SGIP1: variants seen among roughly 807,000 people sequenced by gnomAD.
The protein encoded by SGIP1 is SH3GL interacting endocytic adaptor 1.
In SGIP1, 38 loss-of-function variants were observed where a neutral mutation model predicts 107.5. The observed-to-expected ratio is 0.35, with a 90% CI of 0.27 to 0.46. SGIP1 has a LOEUF of 0.46. Among genes scored for constraint, SGIP1 ranks in the 20% least tolerant of loss-of-function variants. The pLI is 1.00. For missense variants in SGIP1, 929 were observed against 1,019.5 expected, an observed-to-expected ratio of 0.91 and a Z score of 1.21; for synonymous variants, 365 against 366.1, an observed-to-expected ratio of 1.00 and a Z score of 0.03.
At position 66,744,854 on chromosome 1, in the gene SGIP1, A is replaced by G. The variant is rs933847888; in HGVS notation, c.*1759A>G. The G allele has an allele frequency of 3.9e-5, 6 of 152,486 alleles. No individual in the cohort carries two copies. Among genetic ancestry groups the G allele is most frequent in the African/African-American group, 7.2e-5 (3 of 41,454 alleles). 9.4% of individuals were successfully genotyped at this position (152,486 alleles called of 1,614,324 possible). On this transcript the variant is annotated 3_prime_UTR_variant, in exon 25 of 25. Transcript: ENST00000371037. ...TGTTGAAGTTTCTTTGAACGAACTA[A>G]ATATACTCATTTTATGTAAAGGTAT...
chr1:66,609,449 G>C (rs908863620), intron 1 of SGIP1, among the ~76,000 whole-genome samples: 3 of 152,232 alleles, frequency 2.0e-5, no homozygotes, highest in African/African-American at 7.2e-5. Flanking sequence ...ACTTGTTTAG[G>C]GAATAGAAAG....
Position 66,743,191 on chromosome 1 carries a change from T to G in SGIP1, c.*96T>G. 3 of 1,274,122 alleles carry G rather than the reference T, an allele frequency of 2.4e-6. No homozygotes were observed. The highest frequency in any genetic ancestry group is 2.3e-6 in the Non-Finnish European group (2 of 885,692). 78.9% of individuals were successfully genotyped at this position (1,274,122 alleles called of 1,614,324 possible). ...TTGGTTTGATGAAAACAAACCAATA[T>G]CTGCACTTGGGATATATCAGGTGGA... On this transcript the variant is annotated 3_prime_UTR_variant, in exon 25 of 25. Coordinates refer to ENST00000371037, the MANE Select transcript of SGIP1 (RefSeq NM_032291.4).
intron 1 of SGIP1, among the ~76,000 whole-genome samples, chr1:66,617,367 T>A (rs1246808866): frequency 1.3e-5 from 2 of 152,224 alleles, no homozygotes; most frequent in East Asian, 3.8e-4. Context: ...GTCTTATGTC[T>A]TTCTGTAAGA....
chr1:66,631,375 T>A (rs1029620104), intron 2 of SGIP1, among the ~76,000 whole-genome samples: 13 of 152,226 alleles, frequency 8.5e-5, no homozygotes, highest in African/African-American at 3.1e-4. Context: ...TTTTTCAAAC[T>A]GGTTAATTTC....
intron 4 of SGIP1, among the ~76,000 whole-genome samples, chr1:66,636,377 C>A (rs2075780817): frequency 6.6e-6 from 1 of 152,210 alleles, no homozygotes; most frequent in South Asian, 2.1e-4. Flanking sequence ...TTAGGATAAG[C>A]ACTGTCTCAA....
rs2053046149 is a variant in SGIP1, at chr1:66,534,305, T to C, written c.-54T>C. The C allele has an allele frequency of 1.2e-6, 2 of 1,605,140 alleles. No homozygotes were observed. The highest frequency in any genetic ancestry group is 1.7e-6 in the Non-Finnish European group (2 of 1,172,044). On this transcript the variant is annotated 5_prime_UTR_variant, in exon 1 of 25. Coordinates refer to ENST00000371037, the MANE Select transcript of SGIP1 (RefSeq NM_032291.4). ...GACTTAGCTGGGACCTGGAATCGTA[T>C]CCTCCTGTGTTTTTTCAGACTCCTT...
intron 2 of SGIP1, 132 bp from the exon 3 acceptor site, chr1:66,632,938 T>C (rs1367826473): frequency 4.2e-6 from 3 of 720,546 alleles, no homozygotes; most frequent in African/African-American, 3.6e-5. Flanking sequence ...TAGTTTTCAT[T>C]AGCCAGGTTT....
intron 7 of SGIP1, among the ~76,000 whole-genome samples, chr1:66,652,965 A>G (rs1197723198): frequency 4.6e-5 from 7 of 152,172 alleles, no homozygotes; most frequent in Non-Finnish European, 8.8e-5. Context: ...GGCAAATGTG[A>G]TTTGTATTGG....
chr1:66,666,896 T>G (rs1004025296), intron 8 of SGIP1: 1 of 152,294 alleles, frequency 6.6e-6, no homozygotes, highest in East Asian at 1.9e-4. Context: ...CGACTACGTT[T>G]GTCAGGGGCT....
intron 3 of SGIP1, chr1:66,634,008 C>T (rs561795875): frequency 6.8e-5 from 92 of 1,356,268 alleles, no homozygotes; most frequent in Non-Finnish European, 8.8e-5. Context: ...GTGGTTCTTA[C>T]CATGAAATGT....
At chr1:66,540,887 C>G (rs992456004) in intron 1 of SGIP1, among the ~76,000 whole-genome samples, 1 of 152,152 alleles carries the variant, frequency 6.6e-6, no homozygotes, top group Non-Finnish European at 1.5e-5. Flanking sequence ...TGTGCCATAC[C>G]TCTAGAACTT....
At chr1:66,619,409 G>A (rs1320145189) in intron 1 of SGIP1, among the ~76,000 whole-genome samples, 2 of 152,206 alleles carry the variant, frequency 1.3e-5, no homozygotes, top group Non-Finnish European at 2.9e-5. Context: ...GCCCTCTCCC[G>A]CAGGCTCCGC....
intron 9 of SGIP1, among the ~76,000 whole-genome samples, chr1:66,670,233 T>C (rs529807258): frequency 6.6e-6 from 1 of 152,232 alleles, no homozygotes; most frequent in Non-Finnish European, 1.5e-5. Context: ...TAATCAAAAC[T>C]CTTAATCTAA....
intron 19 of SGIP1, among the ~76,000 whole-genome samples, chr1:66,722,336 C>T (rs2093579331): frequency 6.6e-6 from 1 of 152,196 alleles, no homozygotes; most frequent in Non-Finnish European, 1.5e-5. Context: ...TCAACATTTT[C>T]TTCCTCTTTA....
Position 66,679,765 on chromosome 1 carries a change from T to A in SGIP1, c.814+13T>A. 6.3e-7 allele frequency: 1 copy of A among 1,587,648 alleles called. No homozygotes were observed. The highest frequency in any genetic ancestry group is 1.7e-4 in the Middle Eastern group (1 of 5,990). On this transcript the variant is annotated intron_variant, in intron 14 of 24. Coordinates refer to ENST00000371037, the MANE Select transcript of SGIP1 (RefSeq NM_032291.4). ...ACAATTGGACCAGGTACGCTTTTGT[T>A]TTTTCAGTTCTGGGATGATGTGTCA...
intron 1 of SGIP1, among the ~76,000 whole-genome samples, chr1:66,535,535 T>C (rs2053404924): frequency 6.6e-6 from 1 of 152,276 alleles, no homozygotes; most frequent in Non-Finnish European, 1.5e-5. Flanking sequence ...TTCTTTTTGC[T>C]CTCCCTGTCA....
chr1:66,717,459 T>A (rs2093310809), intron 18 of SGIP1, among the ~76,000 whole-genome samples: 1 of 152,126 alleles, frequency 6.6e-6, no homozygotes, highest in African/African-American at 2.4e-5. Flanking sequence ...GCCAATATCA[T>A]CCAGGCTGGG....
rs368739513 is a variant in SGIP1 at position 66,624,627 on chromosome 1, T to A, written c.11-1220T>A. Among the ~76,000 whole-genome samples the A allele has an allele frequency of 1.6e-4, 24 of 152,164 alleles. 1 individual carries two copies. Among genetic ancestry groups the A allele is most frequent in the Admixed American group, 9.8e-4 (15 of 15,276 alleles). The stretch of plus-strand genomic sequence containing the variant: ...AGTGGTTTGGGCTGACTCACATGTT[T>A]TGGAAAAATGTATCATCAACTCACT... On this transcript the variant is annotated intron_variant, in intron 1 of 24. Coordinates refer to ENST00000371037, the MANE Select transcript of SGIP1 (RefSeq NM_032291.4).
At chr1:66,556,270 T>A (rs1207811985) in intron 1 of SGIP1, among the ~76,000 whole-genome samples, 1 of 152,098 alleles carries the variant, frequency 6.6e-6, no homozygotes, top group Non-Finnish European at 1.5e-5. Flanking sequence ...TGATGACAAC[T>A]TCACCCTAGC....
Sources: gnomAD v4.1 joint callset for allele counts (sites outside exome capture counted in the v4.1 genomes callset) on GRCh38, gnomAD v4.1.1 for gene constraint, MANE v1.5 for transcripts, NCBI Gene and HGNC (gene_info 2026-07-23, HGNC 2026-07-21) for gene names.